The following GPC6 variants were observed in gnomAD, a reference collection of about 807,000 sequenced individuals.
The protein encoded by GPC6 is glypican 6.
In GPC6, 14 loss-of-function variants were observed where a neutral mutation model predicts 55.2. The ratio of observed to expected loss-of-function variants is 0.25; its 90% CI spans 0.17 to 0.40. The LOEUF (loss-of-function observed/expected upper bound fraction) is 0.40. Ranked by LOEUF, GPC6 falls within the 10% of genes least tolerant of loss-of-function variation. The pLI is 1.00. For synonymous variants in GPC6, 278 were observed against 259.6 expected, an observed-to-expected ratio of 1.07 and a Z score of -0.68; for missense variants, 641 against 708.5, an observed-to-expected ratio of 0.90 and a Z score of 1.08.
At chr13:93,878,407 C>T (rs374927548) in intron 3 of GPC6, among the ~76,000 whole-genome samples, 2 of 152,042 alleles carry the variant, frequency 1.3e-5, no homozygotes, top group East Asian at 1.9e-4. Flanking sequence ...GACGGAGTCT[C>T]GCACTGTCAT....
chr13:94,369,784 G>T (rs941296227), intron 6 of GPC6, among the ~76,000 whole-genome samples: 3 of 152,070 alleles, frequency 2.0e-5, no homozygotes, highest in Non-Finnish European at 4.4e-5. Context: ...CAAGGAAAAT[G>T]AGTTTTGGTG....
intron 1 of GPC6, among the ~76,000 whole-genome samples, chr13:93,247,742 A>T (rs1876652382): frequency 6.6e-6 from 1 of 152,212 alleles, no homozygotes; most frequent in African/African-American, 2.4e-5. Context: ...CACACCTATT[A>T]TGAATAATCT....
chr13:93,845,750 G>A lies in GPC6; in HGVS notation c.711+15205G>A, dbSNP rs1262028789. Among the ~76,000 whole-genome samples, 453 of 147,928 alleles carry A rather than the reference G, an allele frequency of 3.1e-3. 2 individuals are homozygous for A. Among genetic ancestry groups the A allele is most frequent in the African/African-American group, 0.011 (429 of 40,094 alleles). On this transcript the variant is annotated intron_variant, in intron 3 of 8. Transcript: ENST00000377047. ...TCGCAAGAACAAAAAACCAAACACC[G>A]TATATTCTCACTCATAGGTGGGAAT...
chr13:93,728,149 C>G (rs1883707050), intron 2 of GPC6, among the ~76,000 whole-genome samples: 1 of 152,062 alleles, frequency 6.6e-6, no homozygotes, highest in Non-Finnish European at 1.5e-5. Flanking sequence ...ACTGTTCATC[C>G]ATTTTTGCAG....
At chr13:93,849,511 A>G (rs1361082808) in intron 3 of GPC6, among the ~76,000 whole-genome samples, 7 of 152,122 alleles carry the variant, frequency 4.6e-5, no homozygotes, top group Admixed American at 3.9e-4. Flanking sequence ...TCTAGCTCTC[A>G]CCTAGATGCA....
intron 3 of GPC6, among the ~76,000 whole-genome samples, chr13:93,831,376 G>T (rs956384814): frequency 6.6e-6 from 1 of 152,140 alleles, no homozygotes; most frequent in Non-Finnish European, 1.5e-5. Flanking sequence ...CAAATAAAAT[G>T]AAAGACAATT....
chr13:94,191,970 C>A (rs1484082002), intron 4 of GPC6, among the ~76,000 whole-genome samples: 1 of 152,096 alleles, frequency 6.6e-6, no homozygotes, highest in Non-Finnish European at 1.5e-5. Flanking sequence ...AAGAGAAGAC[C>A]TCTCATTAGC....
rs115454779 is a variant in GPC6 at position 94,403,255 on chromosome 13, A to C, written c.*38A>C. 47 of 1,382,918 alleles carry C rather than the reference A, an allele frequency of 3.4e-5. No individual in the cohort carries two copies. Among genetic ancestry groups the C allele is most frequent in the Middle Eastern group, 1.8e-4 (1 of 5,448 alleles). The allele number at this position is 1,382,918 out of a possible 1,614,324, so 85.7% of individuals were successfully genotyped here. On this transcript the variant is annotated 3_prime_UTR_variant, in exon 9 of 9. Transcript: ENST00000377047. Reference sequence around the variant, plus strand: ...GGTCAGATGAAACTGCATTTTAGCTATCTGAATGGCCAACTCACTTCTTTT... The same window carrying C: ...GGTCAGATGAAACTGCATTTTAGCTCTCTGAATGGCCAACTCACTTCTTTT...
At chr13:93,408,975 C>T (rs1876396200) in intron 1 of GPC6, among the ~76,000 whole-genome samples, 1 of 152,088 alleles carries the variant, frequency 6.6e-6, no homozygotes, top group African/African-American at 2.4e-5. Context: ...TTTACTTATA[C>T]TTCAATCTGA....
chr13:93,525,160 C>A (rs1471837359), intron 1 of GPC6, among the ~76,000 whole-genome samples: 2 of 151,908 alleles, frequency 1.3e-5, no homozygotes, highest in African/African-American at 4.8e-5. Flanking sequence ...TCATGAAAAG[C>A]AAAATTAATT....
At chr13:93,220,165 C>G in the GPC6 span, among the ~76,000 whole-genome samples, 1 of 152,088 alleles carries the variant, frequency 6.6e-6, no homozygotes, top group African/African-American at 2.4e-5. Flanking sequence ...TCTGTGAAAC[C>G]ATTTTAATAA....
chr13:93,539,105 A>G (rs1018878998), intron 1 of GPC6, among the ~76,000 whole-genome samples: 2 of 152,190 alleles, frequency 1.3e-5, no homozygotes, highest in African/African-American at 4.8e-5. Context: ...GACAATATAA[A>G]AGTCATTAAA....
chr13:94,319,488 A>G (rs138125535), intron 6 of GPC6, among the ~76,000 whole-genome samples: 3 of 152,352 alleles, frequency 2.0e-5, no homozygotes, highest in African/African-American at 7.2e-5. Flanking sequence ...AACTTTTAAT[A>G]TACAATCAAC....
At chr13:93,403,589 T>TA (rs1876175227) in intron 1 of GPC6, among the ~76,000 whole-genome samples, 1 of 152,210 alleles carries the variant, frequency 6.6e-6, no homozygotes, top group African/African-American at 2.4e-5. Flanking sequence ...GATATTTGGT[T>TA]AAACTACTGT....
chr13:93,307,334 T>G (rs1878892147), intron 1 of GPC6, among the ~76,000 whole-genome samples: 2 of 152,142 alleles, frequency 1.3e-5, no homozygotes, highest in African/African-American at 4.8e-5. Flanking sequence ...TATATATTAA[T>G]ATATCATTAT....
At chr13:93,547,174 CAAAAA>C (rs55697128) in intron 2 of GPC6, among the ~76,000 whole-genome samples, 1,767 of 129,098 alleles carry the variant, frequency 0.014, 35 homozygotes, top group African/African-American at 0.047. Flanking sequence ...ACTAAAAATA[CAAAAA>C]AAAAAAAAAA....
intron 2 of GPC6, among the ~76,000 whole-genome samples, chr13:93,771,792 A>G (rs1885307477): frequency 6.6e-6 from 1 of 152,186 alleles, no homozygotes; most frequent in Admixed American, 6.5e-5. Flanking sequence ...CTAAAGAGAA[A>G]CCATCATAAT....
intron 3 of GPC6, among the ~76,000 whole-genome samples, chr13:93,903,009 C>G (rs1876448701): frequency 6.6e-6 from 1 of 152,108 alleles, no homozygotes; most frequent in Non-Finnish European, 1.5e-5. Flanking sequence ...AATTGTGCTG[C>G]AAAAACTGGA....
At chr13:94,027,649 A>T (rs1446048140) in intron 3 of GPC6, 80 bp from the exon 4 acceptor site, 1 of 1,203,778 alleles carries the variant, frequency 8.3e-7, no homozygotes, top group East Asian at 2.3e-5. Context: ...CTTGTGGTTT[A>T]TCACTGCTAT....
Sources: allele counts gnomAD v4.1 joint callset (sites outside exome capture counted in the v4.1 genomes callset), GRCh38; gene constraint gnomAD v4.1.1; transcripts MANE v1.5; gene names NCBI Gene and HGNC (gene_info 2026-07-23, HGNC 2026-07-21).